ALK: variants seen among roughly 807,000 people sequenced by gnomAD.
The protein encoded by ALK is ALK receptor tyrosine kinase.
ALK carries 74 observed loss-of-function variants against 163.1 expected under a neutral mutation model. The observed-to-expected ratio is 0.45, with a 90% CI of 0.38 to 0.55. The LOEUF (loss-of-function observed/expected upper bound fraction) is 0.55. ALK is among the 20% of genes least tolerant of loss of function. The pLI is 0.00. For synonymous variants in ALK, 960 were observed against 843.2 expected (o/e 1.14, Z -2.40); for missense variants, 2,063 against 2,105.3 (o/e 0.98, Z 0.39).
At chr2:29,596,243 C>T (rs749157120) in intron 3 of ALK, among the ~76,000 whole-genome samples, 5 of 152,152 alleles carry the variant, frequency 3.3e-5, no homozygotes, top group Non-Finnish European at 5.9e-5. Flanking sequence ...GTTTTTAGGT[C>T]CTGCACACTT....
chr2:29,805,620 TG>T (rs1664589721), intron 1 of ALK, among the ~76,000 whole-genome samples: 1 of 152,330 alleles, frequency 6.6e-6, no homozygotes, highest in East Asian at 1.9e-4. Flanking sequence ...TGTGTTACTT[TG>T]CTGAGGATAA....
intron 11 of ALK, among the ~76,000 whole-genome samples, chr2:29,274,414 G>T (rs1665474166): frequency 6.6e-6 from 1 of 152,160 alleles, no homozygotes; most frequent in African/African-American, 2.4e-5. Context: ...CCAGGCACCA[G>T]TGCCTGCCTG....
At chr2:29,288,319 C>T (rs966863209) in intron 9 of ALK, among the ~76,000 whole-genome samples, 10 of 152,186 alleles carry the variant, frequency 6.6e-5, no homozygotes, top group African/African-American at 9.6e-5. Flanking sequence ...CCTGGGGCCT[C>T]GTCTTGTCCT....
chr2:29,352,626 G>C (rs1197898109), intron 5 of ALK, among the ~76,000 whole-genome samples: 1 of 152,236 alleles, frequency 6.6e-6, no homozygotes, highest in African/African-American at 2.4e-5. Flanking sequence ...GACGTTGACC[G>C]ATCAATCAGT....
intron 3 of ALK, among the ~76,000 whole-genome samples, chr2:29,559,424 C>A (rs1055396226): frequency 1.3e-5 from 2 of 152,222 alleles, no homozygotes; most frequent in African/African-American, 4.8e-5. Flanking sequence ...TTCTGCATCA[C>A]TGACAAATAA....
At chr2:29,644,091 C>A (rs1471018632) in intron 3 of ALK, among the ~76,000 whole-genome samples, 3 of 152,046 alleles carry the variant, frequency 2.0e-5, no homozygotes, top group Non-Finnish European at 4.4e-5. Context: ...AGTTCACGTC[C>A]TTTGTAGGGA....
intron 3 of ALK, among the ~76,000 whole-genome samples, chr2:29,634,532 A>G (rs375520510): frequency 2.0e-5 from 3 of 152,244 alleles, no homozygotes; most frequent in African/African-American, 7.2e-5. Context: ...AAATCACATG[A>G]TAATATCAAT....
rs6717196 is a variant in ALK, at chr2:29,828,413, C to T, written c.667+91580G>A. ...GAATGGGAGAGAATTTTTGCATCTA[C>T]TCATCTGACAGAGGGCTAATATCCA... On this transcript the variant is annotated intron_variant, in intron 1 of 28. Transcript: ENST00000389048. Among the ~76,000 whole-genome samples the T allele has an allele frequency of 2.7e-3, 417 of 152,292 alleles. 3 individuals are homozygous for T. The highest frequency in any genetic ancestry group is 9.6e-3 in the African/African-American group (400 of 41,552).
intron 1 of ALK, among the ~76,000 whole-genome samples, chr2:29,914,299 A>G (rs1310062223): frequency 6.6e-6 from 1 of 152,202 alleles, no homozygotes; most frequent in Non-Finnish European, 1.5e-5. Context: ...CCCACCTTTC[A>G]TCTCTTAGGG....
rs183602477 is a variant in ALK at position 29,653,506 on chromosome 2, C to G, written c.952+41344G>C. ...AAATCATGACTTTGCCTCTTGCTTA[C>G]CTAACTTAACTTAATTTGAACGTTA... On this transcript the variant is annotated intron_variant, in intron 3 of 28. Transcript: ENST00000389048. 3.3e-5 allele frequency among the ~76,000 whole-genome samples: 5 copies of G among 152,006 alleles called. No homozygotes were observed. The East Asian group carries it at 7.7e-4, about 24-fold the overall frequency.
At chr2:29,511,130 C>A (rs1446421202) in intron 4 of ALK, among the ~76,000 whole-genome samples, 1 of 152,044 alleles carries the variant, frequency 6.6e-6, no homozygotes, top group Non-Finnish European at 1.5e-5. Context: ...TGAGGCAAAA[C>A]TTATGTGCAA....
chr2:29,492,436 C>G lies in ALK; in HGVS notation c.1154+39479G>C, dbSNP rs151060120. On this transcript the variant is annotated intron_variant, in intron 4 of 28. Transcript: ENST00000389048. ...CCCTTGATGGCTCGGGTGAGGATTGCTTAAAAAGAGTGAGAGAAAGTCATT... is the reference window on the plus strand; with the variant it reads ...CCCTTGATGGCTCGGGTGAGGATTGGTTAAAAAGAGTGAGAGAAAGTCATT... 4.4e-3 allele frequency among the ~76,000 whole-genome samples: 669 copies of G among 152,226 alleles called. 6 individuals carry two copies. Among genetic ancestry groups the G allele is most frequent in the African/African-American group, 0.015 (637 of 41,538 alleles).
chr2:29,779,247 C>T (rs1161976577), intron 1 of ALK, among the ~76,000 whole-genome samples: 1 of 152,146 alleles, frequency 6.6e-6, no homozygotes, highest in Non-Finnish European at 1.5e-5. Flanking sequence ...ATAATTTGCT[C>T]CTGGTGTATC....
intron 3 of ALK, among the ~76,000 whole-genome samples, chr2:29,656,534 T>G (rs13418350): frequency 0.14 from 20,693 of 152,148 alleles, 3,329 homozygotes; most frequent in African/African-American, 0.39. Context: ...CATTGAATAG[T>G]TACAATGCAC....
chr2:29,662,921 T>C (rs372828108), intron 3 of ALK, among the ~76,000 whole-genome samples: 29 of 152,292 alleles, frequency 1.9e-4, no homozygotes, highest in African/African-American at 7.0e-4. Flanking sequence ...TTTACTGCTA[T>C]GTATTGCTCT....
Position 29,233,579 on chromosome 2 carries a change from T to C in ALK, c.2473A>G (p.Thr825Ala). ...AGGGGGGGGA[T>A]YVFKMKDGVP... ...ACACACCATACCTTAAATACGTAGGTGGCTCCACCCCCTCCTCCTCCGCCT... is the reference window on the plus strand; with the variant it reads ...ACACACCATACCTTAAATACGTAGGCGGCTCCACCCCCTCCTCCTCCGCCT... The change falls in exon 14 of 29, where the codon ACC (threonine) becomes GCC (alanine). Residue 825 changes from threonine to alanine, a missense_variant. Thr to Ala is a moderately conservative substitution (Grantham distance 58, BLOSUM62 0). Transcript: ENST00000389048. 1 of 1,614,212 alleles carries C rather than the reference T, an allele frequency of 6.2e-7. No individual in the cohort carries two copies. Among genetic ancestry groups the C allele is most frequent in the African/African-American group, 1.3e-5 (1 of 75,052 alleles).
intron 3 of ALK, among the ~76,000 whole-genome samples, chr2:29,588,105 C>T (rs1366295166): frequency 6.6e-6 from 1 of 152,164 alleles, no homozygotes; most frequent in East Asian, 1.9e-4. Context: ...TCTTGCATCC[C>T]AGCTTTTCTG....
At chr2:29,519,035 G>A (rs6730585) in intron 4 of ALK, among the ~76,000 whole-genome samples, 2 of 152,200 alleles carry the variant, frequency 1.3e-5, no homozygotes, top group South Asian at 2.1e-4. Context: ...TTTTCACAAA[G>A]AGCCTACAAG....
At chr2:29,428,206 C>T (rs1377898489) in intron 4 of ALK, among the ~76,000 whole-genome samples, 1 of 151,818 alleles carries the variant, frequency 6.6e-6, no homozygotes, top group African/African-American at 2.4e-5. Flanking sequence ...ACCTCACCAC[C>T]CACCTTAAGA....
Sources: allele counts gnomAD v4.1 joint callset (sites outside exome capture counted in the v4.1 genomes callset), GRCh38; gene constraint gnomAD v4.1.1; transcripts MANE v1.5; gene names NCBI Gene and HGNC (gene_info 2026-07-23, HGNC 2026-07-21).